Variants in CSMD1 observed in about 807,000 individuals in gnomAD.
CSMD1 encodes the protein CUB and sushi domain-containing protein 1.
A neutral mutation model predicts 417.5 loss-of-function variants in CSMD1; 213 were observed. The ratio of observed to expected loss-of-function variants is 0.51; its 90% CI spans 0.46 to 0.57. The LOEUF (loss-of-function observed/expected upper bound fraction) is 0.57. Ranked by LOEUF, CSMD1 falls within the 20% of genes least tolerant of loss-of-function variation. CSMD1 has a pLI of 0.00. For synonymous variants in CSMD1, 2,862 were observed against 1,736.8 expected, an observed-to-expected ratio of 1.65 and a Z score of -16.11; for missense variants, 6,923 against 4,529.7, an observed-to-expected ratio of 1.53 and a Z score of -15.17.
rs1316129633 is a variant in CSMD1, at chr8:3,300,980, AAG to A, written c.3950+6713_3950+6714del. ...TCTCAAAAAAAAAAAAAAAAAAAAAAAGAGAAAGAAAAATTAGAAATGGTATA... is the reference window on the plus strand; with the variant it reads ...TCTCAAAAAAAAAAAAAAAAAAAAAAAGAAAGAAAAATTAGAAATGGTATA... On this transcript the variant is annotated intron_variant, in intron 25 of 69. Coordinates refer to ENST00000635120, the MANE Select transcript of CSMD1 (RefSeq NM_033225.6). Among the ~76,000 whole-genome samples, 869 of 144,956 alleles carry A rather than the reference AAG, an allele frequency of 6.0e-3. 24 individuals are homozygous for A. Among genetic ancestry groups the A allele is most frequent in the Admixed American group, 8.4e-3 (116 of 13,802 alleles).
chr8:4,454,068 C>A (rs576268018), intron 2 of CSMD1, among the ~76,000 whole-genome samples: 2 of 151,960 alleles, frequency 1.3e-5, no homozygotes, highest in African/African-American at 2.4e-5. Context: ...GTGATCCGCC[C>A]GCCTCGGCCT....
At chr8:4,882,586 C>T (rs1410734173) in intron 1 of CSMD1, among the ~76,000 whole-genome samples, 1 of 151,808 alleles carries the variant, frequency 6.6e-6, no homozygotes, top group African/African-American at 2.4e-5. Context: ...ACATTCAACC[C>T]CAAGCATAGA....
At chr8:4,061,498 C>G (rs768114688) in intron 3 of CSMD1, among the ~76,000 whole-genome samples, 1 of 152,114 alleles carries the variant, frequency 6.6e-6, no homozygotes, top group Non-Finnish European at 1.5e-5. Flanking sequence ...TAAATAAAAA[C>G]TGTAAAGTAA....
chr8:4,102,982 A>G (rs1168600324), intron 3 of CSMD1, among the ~76,000 whole-genome samples: 1 of 152,208 alleles, frequency 6.6e-6, no homozygotes, highest in Non-Finnish European at 1.5e-5. Context: ...CAGAGCCAGC[A>G]AATAAAAATA....
intron 12 of CSMD1, among the ~76,000 whole-genome samples, chr8:3,419,764 T>C (rs1305058062): frequency 2.6e-5 from 4 of 152,230 alleles, no homozygotes; most frequent in African/African-American, 9.6e-5. Context: ...TCTAGATTCA[T>C]TAAAAGAAAT....
chr8:2,991,052 C>G (rs1806341425), intron 54 of CSMD1, among the ~76,000 whole-genome samples: 1 of 152,152 alleles, frequency 6.6e-6, no homozygotes. Context: ...TTCAGATAAA[C>G]TTGGGCTCAT....
In CSMD1 at chr8:4,218,475, C is replaced by G. The variant is rs117115332; in HGVS notation, c.416-186376G>C. 1.1e-4 allele frequency among the ~76,000 whole-genome samples: 16 copies of G among 152,302 alleles called. No homozygotes were observed. The East Asian group carries it at 3.1e-3, about 29-fold the overall frequency. On this transcript the variant is annotated intron_variant, in intron 3 of 69. Transcript: ENST00000635120. ...ATATTTTCCATGAAAGTCTCAACCT[C>G]CACTTGCTGTATGATCTTTTTCTAA...
chr8:4,919,064 G>C (rs1034895262), intron 1 of CSMD1, among the ~76,000 whole-genome samples: 4 of 152,172 alleles, frequency 2.6e-5, no homozygotes, highest in Admixed American at 6.5e-5. Context: ...TTTTCAGTGA[G>C]GTAGTAGTTT....
intron 10 of CSMD1, among the ~76,000 whole-genome samples, chr8:3,505,005 G>C (rs1173387027): frequency 1.0e-5 from 1 of 99,016 alleles, no homozygotes; most frequent in Non-Finnish European, 2.0e-5. Context: ...AACAGTGATG[G>C]AGAAACAGTT....
chr8:4,275,740 C>T (rs1585140882), intron 3 of CSMD1, among the ~76,000 whole-genome samples: 1 of 152,120 alleles, frequency 6.6e-6, no homozygotes, highest in East Asian at 1.9e-4. Context: ...TAACTTTACA[C>T]ACACCTGTGC....
chr8:4,923,649 C>T (rs930048240), intron 1 of CSMD1, among the ~76,000 whole-genome samples: 1 of 152,184 alleles, frequency 6.6e-6, no homozygotes, highest in East Asian at 1.9e-4. Flanking sequence ...TTCCTGCACT[C>T]ACATGTTCTC....
At chr8:4,201,666 C>G (rs1198934092) in intron 3 of CSMD1, among the ~76,000 whole-genome samples, 1 of 149,730 alleles carries the variant, frequency 6.7e-6, no homozygotes, top group African/African-American at 2.5e-5. Flanking sequence ...GTTTTCATTT[C>G]TATAATTTAC....
intron 5 of CSMD1, among the ~76,000 whole-genome samples, chr8:3,832,670 C>T (rs995677829): frequency 6.6e-6 from 1 of 152,100 alleles, no homozygotes. Flanking sequence ...GATTCAAGGA[C>T]CGTGGACACT....
At chr8:4,251,808 G>T (rs1028780735) in intron 3 of CSMD1, among the ~76,000 whole-genome samples, 1 of 149,428 alleles carries the variant, frequency 6.7e-6, no homozygotes, top group Non-Finnish European at 1.5e-5. Flanking sequence ...GATGGAGAAG[G>T]ACAGATGGAG....
chr8:4,772,603 T>A (rs1032058468), intron 1 of CSMD1, among the ~76,000 whole-genome samples: 1 of 152,180 alleles, frequency 6.6e-6, no homozygotes, highest in Admixed American at 6.5e-5. Flanking sequence ...GAATTAAAAT[T>A]TTTTCTTAGT....
intron 3 of CSMD1, among the ~76,000 whole-genome samples, chr8:4,246,656 A>C (rs539626190): frequency 1.3e-5 from 2 of 152,204 alleles, no homozygotes; most frequent in African/African-American, 4.8e-5. Context: ...TGAGGCAAGC[A>C]AAAGAAACAA....
chr8:3,307,402 C>G (rs1319203199), intron 25 of CSMD1, among the ~76,000 whole-genome samples: 2 of 104,198 alleles, frequency 1.9e-5, no homozygotes, highest in African/African-American at 3.7e-5. Context: ...CCAGGCAACC[C>G]ACGAAGTCAT....
chr8:3,380,214 G>T (rs890661769), intron 18 of CSMD1, among the ~76,000 whole-genome samples: 7 of 152,102 alleles, frequency 4.6e-5, no homozygotes, highest in African/African-American at 1.7e-4. Context: ...CGTTAGAAAG[G>T]GGATCACTAA....
intron 10 of CSMD1, among the ~76,000 whole-genome samples, chr8:3,573,267 C>A (rs545783077): frequency 6.6e-6 from 1 of 152,130 alleles, no homozygotes; most frequent in Non-Finnish European, 1.5e-5. Flanking sequence ...CATGCAACTA[C>A]TAAGTGGCAG....
Sources: allele counts gnomAD v4.1 joint callset (sites outside exome capture counted in the v4.1 genomes callset), GRCh38; gene constraint gnomAD v4.1.1; transcripts MANE v1.5; gene names NCBI Gene and HGNC (gene_info 2026-07-23, HGNC 2026-07-21).